Variants in METTL15 observed in about 807,000 individuals in gnomAD.
METTL15 encodes the protein 12S rRNA N(4)-cytidine methyltransferase METTL15.
In METTL15, 34 loss-of-function variants were observed where a neutral mutation model predicts 38.3. The ratio of observed to expected loss-of-function variants is 0.89; its 90% CI spans 0.68 to 1.18. The LOEUF is 1.18. Among genes scored for constraint, METTL15 ranks in the 50% most tolerant of loss-of-function variants. The pLI, the probability that METTL15 is intolerant of heterozygous loss-of-function variation, is 0.00. For missense variants in METTL15, 438 were observed against 498.4 expected, an observed-to-expected ratio of 0.88 and a Z score of 1.15; for synonymous variants, 162 against 170.9, an observed-to-expected ratio of 0.95 and a Z score of 0.41.
At chr11:28,218,169 A>G (rs1046298155) in intron 4 of METTL15, among the ~76,000 whole-genome samples, 1 of 152,126 alleles carries the variant, frequency 6.6e-6, no homozygotes, top group Non-Finnish European at 1.5e-5. Flanking sequence ...TTTTCACTAT[A>G]TTGATTCTTC....
In METTL15 at chr11:28,369,586, A is replaced by AATT. The variant is rs536100053; in HGVS notation, c.*358+7555_*358+7557dup. 9.2e-5 allele frequency among the ~76,000 whole-genome samples: 14 copies of AATT among 152,268 alleles called. 1 individual carries two copies. In the South Asian group the frequency reaches 2.9e-3, roughly 32 times the overall value. On this transcript the variant is annotated intron_variant and NMD_transcript_variant, in intron 5 of 7. Transcript: ENST00000532947. Reference sequence around the variant, plus strand: ...TTGTCATATACAAGGATACTCCATAAATTATTAGTAGATTTCTCAGCAGAA... The same window carrying AATT: ...TTGTCATATACAAGGATACTCCATAAATTATTATTAGTAGATTTCTCAGCAGAA...
At chr11:28,422,615 C>T (rs888982741) in intron 5 of METTL15, among the ~76,000 whole-genome samples, 13 of 151,940 alleles carry the variant, frequency 8.6e-5, no homozygotes, top group Non-Finnish European at 1.5e-4. Context: ...CTGTGTAATA[C>T]ATGATGCTGT....
intron 3 of METTL15, among the ~76,000 whole-genome samples, chr11:28,338,954 G>A (rs571633114): frequency 6.6e-6 from 1 of 152,234 alleles, no homozygotes; most frequent in South Asian, 2.1e-4. Context: ...GGTTAGATCA[G>A]CATTTGTAGC....
intron 6 of METTL15, among the ~76,000 whole-genome samples, chr11:28,437,765 A>G (rs771483030): frequency 6.6e-6 from 1 of 152,226 alleles, no homozygotes; most frequent in Non-Finnish European, 1.5e-5. Context: ...CCCCAGCTAG[A>G]TTGAAAACTG....
At chr11:28,488,483 C>T (rs1035705486) in intron 6 of METTL15, among the ~76,000 whole-genome samples, 1 of 152,094 alleles carries the variant, frequency 6.6e-6, no homozygotes, top group African/African-American at 2.4e-5. Context: ...CAGCTTAGTG[C>T]TCCATAGGAT....
chr11:28,481,852 C>T (rs1293042245), intron 6 of METTL15, among the ~76,000 whole-genome samples: 1 of 152,146 alleles, frequency 6.6e-6, no homozygotes, highest in Non-Finnish European at 1.5e-5. Flanking sequence ...CTGTTATTGG[C>T]GAGGGTCGCT....
chr11:28,450,684 A>C lies in METTL15; in HGVS notation c.*424+26320A>C, dbSNP rs796460118. 5.3e-5 allele frequency among the ~76,000 whole-genome samples: 8 copies of C among 152,316 alleles called. 1 individual carries two copies. The highest frequency in any genetic ancestry group is 1.7e-4 in the African/African-American group (7 of 41,582). ...TGGGCTCCTTATTGGACTTTAGTGG[A>C]TTCAGTAAACTTTTGAAATGATAAG... is the stretch of plus-strand genomic sequence containing the variant. On this transcript the variant is annotated intron_variant and NMD_transcript_variant, in intron 6 of 7. Coordinates refer to the METTL15 transcript ENST00000532947.
At chr11:28,148,329 C>T (rs1244483872) in intron 3 of METTL15, among the ~76,000 whole-genome samples, 3 of 151,844 alleles carry the variant, frequency 2.0e-5, no homozygotes, top group Non-Finnish European at 2.9e-5. Flanking sequence ...CCATGTTACG[C>T]TGATTGCTTC....
At chr11:28,441,569 T>G (rs571241593) in intron 6 of METTL15, among the ~76,000 whole-genome samples, 98 of 152,338 alleles carry the variant, frequency 6.4e-4, no homozygotes, top group Non-Finnish European at 1.3e-3. Context: ...CACTGTATTC[T>G]ATTTCTGATT....
chr11:28,345,292 G>A (rs1272513288), intron 3 of METTL15, among the ~76,000 whole-genome samples: 3 of 152,114 alleles, frequency 2.0e-5, no homozygotes, highest in South Asian at 4.1e-4. Flanking sequence ...AGGTTCAAGC[G>A]ATTCTTGTAT....
At chr11:28,230,974 CTA>C (rs1019039192) in intron 4 of METTL15, among the ~76,000 whole-genome samples, 17 of 151,806 alleles carry the variant, frequency 1.1e-4, no homozygotes, top group Non-Finnish European at 1.8e-4. Flanking sequence ...AAGTAAACCT[CTA>C]TGAGATCAGG....
At chr11:28,525,796 C>T (rs554716061) in intron 6 of METTL15, among the ~76,000 whole-genome samples, 8 of 152,380 alleles carry the variant, frequency 5.3e-5, no homozygotes, top group East Asian at 3.9e-4. Context: ...GCCGTGCACC[C>T]GCACTCCTCA....
At chr11:28,493,633 G>T (rs914759194) in intron 6 of METTL15, among the ~76,000 whole-genome samples, 1 of 152,158 alleles carries the variant, frequency 6.6e-6, no homozygotes, top group Non-Finnish European at 1.5e-5. Flanking sequence ...CAATTCACTT[G>T]CTGTTCCCTC....
intron 4 of METTL15, among the ~76,000 whole-genome samples, chr11:28,236,513 A>G (rs183481331): frequency 6.6e-6 from 1 of 152,222 alleles, no homozygotes. Context: ...CAGAGATTCA[A>G]CTTCTTCCTG....
chr11:28,407,042 A>G (rs1004875286), intron 5 of METTL15, among the ~76,000 whole-genome samples: 1 of 152,152 alleles, frequency 6.6e-6, no homozygotes, highest in East Asian at 1.9e-4. Flanking sequence ...AGCCACCTCA[A>G]TCGTGGTCGA....
intron 3 of METTL15, among the ~76,000 whole-genome samples, chr11:28,168,868 CAG>C (rs983578961): frequency 1.4e-4 from 22 of 152,130 alleles, no homozygotes; most frequent in African/African-American, 2.7e-4. Context: ...ACACTGAAAA[CAG>C]AGGGCAATTC....
intron 4 of METTL15, among the ~76,000 whole-genome samples, chr11:28,248,340 A>G (rs571958689): frequency 6.6e-6 from 1 of 152,164 alleles, no homozygotes; most frequent in South Asian, 2.1e-4. Flanking sequence ...CTAGCAAGGA[A>G]AGTTGGGGTA....
At chr11:28,452,404 T>C (rs1851130606) in intron 6 of METTL15, among the ~76,000 whole-genome samples, 1 of 152,194 alleles carries the variant, frequency 6.6e-6, no homozygotes, top group Non-Finnish European at 1.5e-5. Context: ...TCGGTGATAT[T>C]TAATGACAGC....
At chr11:28,454,390 G>T (rs1851150216) in intron 6 of METTL15, among the ~76,000 whole-genome samples, 1 of 152,214 alleles carries the variant, frequency 6.6e-6, no homozygotes, top group Non-Finnish European at 1.5e-5. Flanking sequence ...GTACTGATAT[G>T]CTTCTAATCA....
Sources: allele counts gnomAD v4.1 joint callset (sites outside exome capture counted in the v4.1 genomes callset), GRCh38; gene constraint gnomAD v4.1.1; transcripts MANE v1.5; gene names NCBI Gene and HGNC (gene_info 2026-07-23, HGNC 2026-07-21).